The following PIAS2 variants were observed in gnomAD, a reference collection of about 807,000 sequenced individuals.
PIAS2 encodes the protein E3 SUMO-protein ligase PIAS2.
A neutral mutation model predicts 69.7 loss-of-function variants in PIAS2; 19 were observed. That is an observed-to-expected ratio of 0.27 (90% confidence interval 0.19 to 0.40). The LOEUF (loss-of-function observed/expected upper bound fraction) is 0.40. Among genes scored for constraint, PIAS2 ranks in the 10% least tolerant of loss-of-function variants. The pLI, the probability that PIAS2 is intolerant of heterozygous loss-of-function variation, is 1.00. For synonymous variants in PIAS2, 261 were observed against 263.2 expected, an observed-to-expected ratio of 0.99 and a Z score of 0.08; for missense variants, 624 against 757.0, an observed-to-expected ratio of 0.82 and a Z score of 2.06.
chr18:46,819,339 T>C (rs765915183), intron 12 of PIAS2, among the ~76,000 whole-genome samples: 2 of 152,188 alleles, frequency 1.3e-5, no homozygotes, highest in African/African-American at 2.4e-5. Context: ...TTAGACTTTG[T>C]ATATACTTTA....
chr18:46,856,069 G>A (rs1408854786), intron 3 of PIAS2, among the ~76,000 whole-genome samples: 44 of 136,012 alleles, frequency 3.2e-4, no homozygotes, highest in African/African-American at 1.2e-3. Context: ...GCAGTGGCGC[G>A]ATCTTGGCTC....
chr18:46,910,703 G>A (rs778407961), intron 1 of PIAS2, among the ~76,000 whole-genome samples: 2 of 152,140 alleles, frequency 1.3e-5, no homozygotes, highest in African/African-American at 4.8e-5. Context: ...CCCGTAGATC[G>A]TAGACTACAA....
intron 1 of PIAS2, chr18:46,900,916 G>A (rs759873207): frequency 5.1e-5 from 14 of 272,132 alleles, no homozygotes; most frequent in Non-Finnish European, 8.6e-5. Flanking sequence ...GGAGGTTGCG[G>A]TGAGCCGACG....
At chr18:46,826,092 C>T (rs1178469809) in intron 11 of PIAS2, among the ~76,000 whole-genome samples, 1 of 152,202 alleles carries the variant, frequency 6.6e-6, no homozygotes, top group East Asian at 1.9e-4. Flanking sequence ...AACTAGGTAG[C>T]TGCGCTTTAT....
chr18:46,827,396 G>A (rs1183570048), intron 11 of PIAS2: 2 of 152,136 alleles, frequency 1.3e-5, no homozygotes, highest in Admixed American at 1.3e-4. Flanking sequence ...CCTATATTTT[G>A]CCCTGGAGAG....
intron 13 of PIAS2, among the ~76,000 whole-genome samples, chr18:46,812,918 C>T (rs2041116093): frequency 6.6e-6 from 1 of 152,036 alleles, no homozygotes; most frequent in South Asian, 2.1e-4. Context: ...AAATATTGGC[C>T]CTAATCTCAA....
chr18:46,890,294 T>C (rs2053871986), intron 2 of PIAS2, among the ~76,000 whole-genome samples: 1 of 152,230 alleles, frequency 6.6e-6, no homozygotes, highest in Admixed American at 6.5e-5. Flanking sequence ...ATTACCAACA[T>C]ACTTAACACC....
chr18:46,834,475 G>A (rs1476309810), intron 9 of PIAS2, among the ~76,000 whole-genome samples: 2 of 152,076 alleles, frequency 1.3e-5, no homozygotes, highest in African/African-American at 4.8e-5. Context: ...ATATTAAGAG[G>A]CAATTTGTAA....
intron 1 of PIAS2, among the ~76,000 whole-genome samples, chr18:46,908,436 G>C (rs940664671): frequency 6.6e-6 from 1 of 151,948 alleles, no homozygotes; most frequent in African/African-American, 2.4e-5. Context: ...GAAAGGTGAT[G>C]GAACAATTTA....
intron 12 of PIAS2, among the ~76,000 whole-genome samples, chr18:46,819,611 G>A (rs570488399): frequency 6.6e-6 from 1 of 152,064 alleles, no homozygotes; most frequent in Admixed American, 6.6e-5. Flanking sequence ...GATAAGCATT[G>A]TGCTTAAAAT....
At chr18:46,902,644 C>G (rs1244689767) in intron 1 of PIAS2, among the ~76,000 whole-genome samples, 2 of 152,104 alleles carry the variant, frequency 1.3e-5, no homozygotes, top group Non-Finnish European at 2.9e-5. Context: ...TCAACTTTCC[C>G]CAAACCGATA....
At chr18:46,917,267 C>T in intron 1 of PIAS2, 55 bp downstream of exon 1, 1 of 1,443,824 alleles carries the variant, frequency 6.9e-7, no homozygotes, top group Non-Finnish European at 9.2e-7. Flanking sequence ...TTGCGGTTTC[C>T]CCACCTCCTC....
At chr18:46,824,153 T>G (rs1192677522) in intron 11 of PIAS2, among the ~76,000 whole-genome samples, 4 of 152,244 alleles carry the variant, frequency 2.6e-5, no homozygotes, top group African/African-American at 9.6e-5. Context: ...AGAATGCTGC[T>G]ATATAGCAAA....
rs1173243312 is a variant in PIAS2 at position 46,850,961 on chromosome 18, A to G, written c.727-4120T>C. Among the ~76,000 whole-genome samples, 6 of 152,178 alleles carry G rather than the reference A, an allele frequency of 3.9e-5. No individual in the cohort carries two copies. In the East Asian group the frequency reaches 1.2e-3, roughly 29 times the overall value. On this transcript the variant is annotated intron_variant, in intron 5 of 13. Coordinates refer to ENST00000585916, the MANE Select transcript of PIAS2 (RefSeq NM_004671.5). ...TGGCTTTAGTATAATTATTATAAGCACACTTACATATTTGATAGTTTTGAG... is the reference window on the plus strand; with the variant it reads ...TGGCTTTAGTATAATTATTATAAGCGCACTTACATATTTGATAGTTTTGAG...
At chr18:46,833,587 T>C (rs2043993774) in intron 9 of PIAS2, among the ~76,000 whole-genome samples, 1 of 152,230 alleles carries the variant, frequency 6.6e-6, no homozygotes, top group Non-Finnish European at 1.5e-5. Flanking sequence ...TTCAGCATAA[T>C]GTAAATCAAA....
rs932746631 is a variant in PIAS2 at position 46,803,391 on chromosome 18, T to C, written c.*9042A>G. 1.3e-5 allele frequency: 2 copies of C among 152,234 alleles called. No individual in the cohort carries two copies. The highest frequency in any genetic ancestry group is 1.3e-4 in the Admixed American group (2 of 15,284). 9.4% of individuals were successfully genotyped at this position (152,234 alleles called of 1,614,324 possible). A position where few individuals can be genotyped will look rare whatever the true frequency, so the allele number is the denominator to read the frequency against. On this transcript the variant is annotated 3_prime_UTR_variant, in exon 14 of 14. Transcript: ENST00000585916. ...TAACCACTTGCTTCTTGAAATACTCTATTTTTTGGCCTCTGTAATACCACG... is the reference window on the plus strand; with the variant it reads ...TAACCACTTGCTTCTTGAAATACTCCATTTTTTGGCCTCTGTAATACCACG...
chr18:46,811,265 GAAAA>G lies in PIAS2; in HGVS notation c.*1164_*1167del, dbSNP rs1227300331. The G allele has an allele frequency of 7.5e-6, 1 of 133,030 alleles. No homozygotes were observed. The highest frequency in any genetic ancestry group is 2.8e-5 in the African/African-American group (1 of 35,882). The allele number at this position is 133,030 out of a possible 1,614,324, so 8.2% of individuals were successfully genotyped here. On this transcript the variant is annotated 3_prime_UTR_variant, in exon 14 of 14. Transcript: ENST00000585916. ...AGGTAAGATATCATTTTAAAAAAAT[GAAAA>G]AAAAAAAAAATCTAATGCTGTCCCT...
intron 2 of PIAS2, among the ~76,000 whole-genome samples, chr18:46,866,555 C>T (rs1353266272): frequency 1.3e-5 from 2 of 152,140 alleles, no homozygotes; most frequent in African/African-American, 4.8e-5. Flanking sequence ...AAATTCAAAA[C>T]TGGATCTCTG....
chr18:46,820,896 C>T (rs1208603469), intron 12 of PIAS2, 37 bp downstream of exon 12: 1 of 1,568,702 alleles, frequency 6.4e-7, no homozygotes, highest in South Asian at 1.2e-5. Flanking sequence ...AATAAACTTT[C>T]ATTAAAAAAC....
Sources: gnomAD v4.1 joint callset for allele counts (sites outside exome capture counted in the v4.1 genomes callset) on GRCh38, gnomAD v4.1.1 for gene constraint, MANE v1.5 for transcripts, NCBI Gene and HGNC (gene_info 2026-07-23, HGNC 2026-07-21) for gene names.